Variants in MTHFD1L observed in about 807,000 individuals in gnomAD.
The protein encoded by MTHFD1L is monofunctional C1-tetrahydrofolate synthase, mitochondrial.
A neutral mutation model predicts 119.5 loss-of-function variants in MTHFD1L; 81 were observed. That is an observed-to-expected ratio of 0.68 (90% CI 0.57 to 0.82). MTHFD1L has a LOEUF of 0.82. Among genes scored for constraint, MTHFD1L ranks in the 40% least tolerant of loss-of-function variants. MTHFD1L has a pLI of 0.00. For synonymous variants in MTHFD1L, 430 were observed against 475.2 expected (o/e 0.90, Z 1.24); for missense variants, 1,125 against 1,253.4 (o/e 0.90, Z 1.55).
intron 20 of MTHFD1L, among the ~76,000 whole-genome samples, chr6:150,984,107 C>G (rs1777924591): frequency 6.6e-6 from 1 of 152,182 alleles, no homozygotes; most frequent in African/African-American, 2.4e-5. Context: ...TCTACATTGT[C>G]TATTGACTTT....
chr6:151,041,227 T>G (rs915558667), intron 26 of MTHFD1L, among the ~76,000 whole-genome samples: 7 of 152,212 alleles, frequency 4.6e-5, no homozygotes, highest in Non-Finnish European at 8.8e-5. Flanking sequence ...AAGCTGCATG[T>G]GTAGTGGGAC....
rs374561092 is a variant in MTHFD1L, at chr6:150,926,317, A to G, written c.1256+22A>G. The G allele has an allele frequency of 3.2e-5, 51 of 1,591,804 alleles. No individual in the cohort carries two copies. The African/African-American group carries it at 6.3e-4, about 20-fold the overall frequency. ...CTGGGTAAGACACCATCTAACATCT[A>G]CTTGATCAAGCAGACATATTTACAA... On this transcript the variant is annotated intron_variant, in intron 11 of 27. Transcript: ENST00000367321. This position sits in a 1 kb window ranked among gnomAD's most constrained non-coding sequence, Gnocchi z 4.3.
In MTHFD1L at chr6:151,066,532, G is replaced by A. The variant is rs533569550; in HGVS notation, c.2848-25935G>A. ...TGTAATCCCAGCACTTTGGGAGGCCGAGGCGGGTGGATCACGAGGTCAGGA... is the reference window on the plus strand; with the variant it reads ...TGTAATCCCAGCACTTTGGGAGGCCAAGGCGGGTGGATCACGAGGTCAGGA... On this transcript the variant is annotated intron_variant, in intron 26 of 27. Transcript: ENST00000367321. Among the ~76,000 whole-genome samples the A allele has an allele frequency of 9.3e-5, 14 of 151,096 alleles. No individual in the cohort carries two copies. In the South Asian group the frequency reaches 2.1e-3, roughly 23 times the overall value.
rs78804678 is a variant in MTHFD1L at position 150,960,238 on chromosome 6, C to T, written c.1804-37C>T. The T allele has an allele frequency of 1.1e-4, 168 of 1,576,586 alleles. 1 individual carries two copies. The East Asian group carries it at 3.3e-3, about 31-fold the overall frequency. ...TGTGGGAATGGCCATCCCACTGGCA[C>T]TGTCGCTGACCACTACCTGTGTTTG... On this transcript the variant is annotated intron_variant, in intron 17 of 27. Transcript: ENST00000367321.
Position 150,963,761 on chromosome 6 carries a change from C to A in MTHFD1L, c.1945-1208C>A, listed in dbSNP as rs369367965. ...AAGGGATAGCGCCCTGTTTTCCCCC[C>A]CTAGAGCTACCGTTACAAGCATTTG... is the stretch of plus-strand genomic sequence containing the variant. On this transcript the variant is annotated intron_variant, in intron 18 of 27. Coordinates refer to ENST00000367321, the MANE Select transcript of MTHFD1L (RefSeq NM_015440.5). Among the ~76,000 whole-genome samples, 8 of 152,138 alleles carry A rather than the reference C, an allele frequency of 5.3e-5. No homozygotes were observed. The East Asian group carries it at 1.3e-3, about 26-fold the overall frequency.
chr6:150,976,115 G>A (rs535383483), intron 20 of MTHFD1L, among the ~76,000 whole-genome samples: 6 of 152,118 alleles, frequency 3.9e-5, no homozygotes, highest in Non-Finnish European at 5.9e-5. Flanking sequence ...CAGGAGAATC[G>A]CTTGAACCCC....
chr6:151,014,691 T>A (rs1052549773), intron 22 of MTHFD1L, among the ~76,000 whole-genome samples, 189 bp from the exon 23 acceptor site: 10 of 152,184 alleles, frequency 6.6e-5, no homozygotes, highest in African/African-American at 2.4e-4. Context: ...CCATATGCCA[T>A]TGGATCCAGA....
chr6:151,067,464 C>T (rs937095571), intron 26 of MTHFD1L, among the ~76,000 whole-genome samples: 1 of 151,558 alleles, frequency 6.6e-6, no homozygotes, highest in African/African-American at 2.4e-5. Context: ...GCTGGGATTC[C>T]AGGTGTGCGC....
chr6:151,057,187 A>G, intron 26 of MTHFD1L: 1 of 984,914 alleles, frequency 1.0e-6, no homozygotes. Flanking sequence ...TCCATTATGT[A>G]TTTTCCATGA....
At chr6:150,959,078 T>C (rs1415549035) in intron 17 of MTHFD1L, 20 of 595,960 alleles carry the variant, frequency 3.4e-5, no homozygotes, top group Non-Finnish European at 2.7e-5. Context: ...CTAAATTTCA[T>C]ACAATGAAAG....
chr6:151,092,533 G>C lies in MTHFD1L; in HGVS notation c.2914G>C (p.Glu972Gln). 1 of 1,614,120 alleles carries C rather than the reference G, an allele frequency of 6.2e-7. No homozygotes were observed. Among genetic ancestry groups the C allele is most frequent in the East Asian group, 2.2e-5 (1 of 44,880 alleles). ...TGACATAGATCTTGATACCGAAACA[G>C]AACAAGTTAAAGGCTTGTTCTAAGT... The part of the protein sequence containing the change: ...FYDIDLDTET[E>Q]QVKGLF Residue 972 changes from glutamate (E) to glutamine (Q), a missense_variant, in exon 27 of 28, where the codon GAA becomes CAA. Coordinates refer to ENST00000367321, the MANE Select transcript of MTHFD1L (RefSeq NM_015440.5).
intron 1 of MTHFD1L, among the ~76,000 whole-genome samples, chr6:150,874,701 G>C (rs930489165): frequency 6.6e-6 from 1 of 152,150 alleles, no homozygotes; most frequent in African/African-American, 2.4e-5. Context: ...TCATAGGGTG[G>C]TGGCGAAGGT....
At position 150,866,056 on chromosome 6, in the gene MTHFD1L, G is replaced by A. The variant is rs1442626586; in HGVS notation, c.227+7G>A. On this transcript the variant is annotated splice_region_variant and intron_variant, in intron 1 of 27. Coordinates refer to ENST00000367321, the MANE Select transcript of MTHFD1L (RefSeq NM_015440.5). ...CGCGGGACTCCATCGTCAGGTGAGT[G>A]TCGGGTCTGGCCCTGGCCCAGGTCT... 6 of 1,473,414 alleles carry A rather than the reference G, an allele frequency of 4.1e-6. No homozygotes were observed. The highest frequency in any genetic ancestry group is 2.3e-4 in the Middle Eastern group (1 of 4,278). 91.3% of individuals were successfully genotyped at this position (1,473,414 alleles called of 1,614,324 possible). A position where few individuals can be genotyped will look rare whatever the true frequency, so the allele number is the denominator to read the frequency against.
chr6:151,046,432 A>G (rs946910817), intron 26 of MTHFD1L, among the ~76,000 whole-genome samples: 4 of 146,620 alleles, frequency 2.7e-5, no homozygotes, highest in African/African-American at 1.0e-4. Flanking sequence ...ATACTTTCAT[A>G]CAACTGGTAA....
chr6:150,971,813 G>C, intron 19 of MTHFD1L, 134 bp from the exon 20 acceptor site: 1 of 684,824 alleles, frequency 1.5e-6, no homozygotes, highest in South Asian at 2.0e-5. Context: ...TGTTTTGACT[G>C]TCTTTGAAAT....
At chr6:151,010,121 G>GT (rs1428015110) in intron 21 of MTHFD1L, among the ~76,000 whole-genome samples, 163 bp downstream of exon 21, 1 of 151,944 alleles carries the variant, frequency 6.6e-6, no homozygotes. Context: ...CATCTAAAAC[G>GT]TTTTTTGTTT....
chr6:150,936,874 C>T lies in MTHFD1L; in HGVS notation c.1327C>T (p.His443Tyr). 1 of 1,614,166 alleles carries T rather than the reference C, an allele frequency of 6.2e-7. No homozygotes were observed. The highest frequency in any genetic ancestry group is 1.1e-5 in the South Asian group (1 of 91,082). ...CGGGCTTGTGCAGGCTCTGACCGCA[C>T]ACCTGAATGTCAACTCCTTTGCCTG... Reference protein sequence around the residue: ...TIGLVQALTAHLNVNSFACLR... With the variant: ...TIGLVQALTAYLNVNSFACLR... Residue 443 changes from histidine (H) to tyrosine (Y), a missense_variant, in exon 12 of 28, where the codon CAC becomes TAC. This residue lies in a region of MTHFD1L where 1,058 missense variants were observed against 1,151.2 expected (regional missense o/e 0.92). Transcript: ENST00000367321.
chr6:151,008,979 G>T (rs377536920), intron 20 of MTHFD1L, among the ~76,000 whole-genome samples: 1 of 151,700 alleles, frequency 6.6e-6, no homozygotes, highest in South Asian at 2.1e-4. Context: ...AAAATTAGCC[G>T]GGTGTGGTGG....
chr6:150,976,129 A>G (rs767555297), intron 20 of MTHFD1L, among the ~76,000 whole-genome samples: 4 of 152,140 alleles, frequency 2.6e-5, no homozygotes, highest in Non-Finnish European at 5.9e-5. Flanking sequence ...GAACCCCAGG[A>G]GGCAGAGGTT....
Sources: allele counts gnomAD v4.1 joint callset (sites outside exome capture counted in the v4.1 genomes callset), GRCh38; gene constraint gnomAD v4.1.1; regional missense constraint gnomAD v4.1.1; non-coding constraint Gnocchi (gnomAD v3.1); transcripts MANE v1.5; gene names NCBI Gene and HGNC (gene_info 2026-07-23, HGNC 2026-07-21).